Variants in NTM observed in about 807,000 individuals in gnomAD.
The protein encoded by NTM is neurotrimin, also known as IgLON family member 2.
Under a neutral mutation model 42.1 loss-of-function variants are expected in NTM, and 13 were observed. The observed-to-expected ratio is 0.31, with a 90% CI of 0.20 to 0.49. The LOEUF (loss-of-function observed/expected upper bound fraction) is 0.49. NTM is among the 20% of genes least tolerant of loss of function. The pLI, the probability that NTM is intolerant of heterozygous loss-of-function variation, is 0.99. For synonymous variants in NTM, 187 were observed against 179.2 expected (o/e 1.04, Z -0.35); for missense variants, 373 against 452.8 (o/e 0.82, Z 1.60).
chr11:132,077,820 C>T (rs189626672), intron 2 of NTM, among the ~76,000 whole-genome samples: 2 of 152,308 alleles, frequency 1.3e-5, no homozygotes, highest in South Asian at 2.1e-4. Context: ...ATGCTGGTCT[C>T]AAACTCCTTG....
chr11:132,141,036 T>A (rs117392512), intron 2 of NTM: 1 of 152,252 alleles, frequency 6.6e-6, no homozygotes, highest in Non-Finnish European at 1.5e-5. Flanking sequence ...CCGCACACTG[T>A]CTGCATCCAT....
chr11:131,882,664 G>T (rs573682956), intron 1 of NTM, among the ~76,000 whole-genome samples: 2 of 151,920 alleles, frequency 1.3e-5, no homozygotes, highest in East Asian at 2.0e-4. Flanking sequence ...CATGATGGGA[G>T]AAGTTGAGGG....
At chr11:131,943,068 C>T (rs1055159102) in intron 2 of NTM, among the ~76,000 whole-genome samples, 3 of 152,174 alleles carry the variant, frequency 2.0e-5, no homozygotes, top group Admixed American at 6.5e-5. Flanking sequence ...GTGTTGGAGT[C>T]GTCAAGTGGA....
chr11:132,104,100 A>G (rs1048908850), intron 2 of NTM, among the ~76,000 whole-genome samples: 4 of 152,154 alleles, frequency 2.6e-5, no homozygotes, highest in African/African-American at 7.2e-5. Flanking sequence ...TTCTATTCCC[A>G]GTTGTGCAAG....
chr11:132,281,888 TTG>T (rs1375632337), intron 4 of NTM, among the ~76,000 whole-genome samples: 1 of 152,212 alleles, frequency 6.6e-6, no homozygotes, highest in Non-Finnish European at 1.5e-5. Context: ...AAAAAAAGTA[TTG>T]TGATATTAAT....
At chr11:131,474,915 T>A (rs550202629) in intron 1 of NTM, among the ~76,000 whole-genome samples, 12 of 152,324 alleles carry the variant, frequency 7.9e-5, no homozygotes, top group Non-Finnish European at 1.6e-4. Flanking sequence ...CTGCTTTATG[T>A]CACAACGAAA....
chr11:131,954,754 G>A (rs1030280399), intron 2 of NTM, among the ~76,000 whole-genome samples: 5 of 152,128 alleles, frequency 3.3e-5, no homozygotes, highest in Non-Finnish European at 5.9e-5. Context: ...TGTTAACACA[G>A]TAGTGTATAT....
chr11:131,504,751 T>A (rs1263864017), intron 1 of NTM, among the ~76,000 whole-genome samples: 1 of 152,030 alleles, frequency 6.6e-6, no homozygotes, highest in Admixed American at 6.5e-5. Context: ...TCCCTGGATC[T>A]CTGTCTATTG....
At chr11:132,023,766 G>T (rs1371912295) in intron 2 of NTM, among the ~76,000 whole-genome samples, 4 of 96,780 alleles carry the variant, frequency 4.1e-5, no homozygotes, top group Admixed American at 2.2e-4. Flanking sequence ...GTTGTTGGTG[G>T]TGGTTTTGTT....
intron 7 of NTM, among the ~76,000 whole-genome samples, chr11:132,316,213 T>C (rs1039669154): frequency 6.6e-6 from 1 of 151,812 alleles, no homozygotes; most frequent in Non-Finnish European, 1.5e-5. Context: ...CCCGGCTTCT[T>C]CTCCTTAAGC....
At chr11:132,030,407 A>C (rs2075764050) in intron 2 of NTM, among the ~76,000 whole-genome samples, 3 of 152,214 alleles carry the variant, frequency 2.0e-5, no homozygotes, top group Admixed American at 2.0e-4. Context: ...AATGGAGCCT[A>C]TTATTTAATT....
intron 1 of NTM, among the ~76,000 whole-genome samples, chr11:131,525,823 C>CT (rs2050394646): frequency 6.6e-6 from 1 of 151,716 alleles, no homozygotes; most frequent in South Asian, 2.1e-4. Flanking sequence ...CAATAACAAA[C>CT]TTGTAGGGTT....
intron 2 of NTM, among the ~76,000 whole-genome samples, chr11:131,952,557 G>A (rs1313754678): frequency 6.6e-6 from 1 of 152,062 alleles, no homozygotes; most frequent in African/African-American, 2.4e-5. Context: ...GATTTTTTCT[G>A]CATGTAGTCA....
Position 132,314,559 on chromosome 11 carries a change from G to A in NTM, c.790G>A (p.Glu264Lys), listed in dbSNP as rs375651182. 6.2e-7 allele frequency: 1 copy of A among 1,611,748 alleles called. No homozygotes were observed. Among genetic ancestry groups the A allele is most frequent in the Non-Finnish European group, 8.5e-7 (1 of 1,179,008 alleles). Residue 264 changes from glutamate to lysine, a missense_variant, in exon 7 of 9, where the codon GAA (glutamate) becomes AAA (lysine). Around this residue, in one of 3 missense-constraint regions of NTM, gnomAD observed 312 missense variants for 353.5 expected, o/e 0.88. Transcript: ENST00000683400. ...GTCTTTTGTTTCTCTCAGACTGATTGAAGGAAAGAAAGGGGTGAAAGTGGA... is the reference window on the plus strand; with the variant it reads ...GTCTTTTGTTTCTCTCAGACTGATTAAAGGAAAGAAAGGGGTGAAAGTGGA... The part of the protein sequence containing the change: ...QWYKDDKRLI[E>K]GKKGVKVENR...
intron 1 of NTM, among the ~76,000 whole-genome samples, chr11:131,880,457 G>A (rs2049286540): frequency 6.6e-6 from 1 of 152,238 alleles, no homozygotes; most frequent in South Asian, 2.1e-4. Flanking sequence ...GCAGGTGCTA[G>A]GACAAGGAGC....
rs1224097926 is a variant in NTM at position 132,212,041 on chromosome 11, G to A, written c.420G>A (p.Glu140=). 1 of 1,610,650 alleles carries A rather than the reference G, an allele frequency of 6.2e-7. No individual in the cohort carries two copies. The highest frequency in any genetic ancestry group is 1.7e-5 in the Admixed American group (1 of 59,486). ...CCACAGTATCTCCCAAAATTGTAGA[G>A]ATTTCTTCAGATATCTCCATTAATG... is the stretch of plus-strand genomic sequence containing the variant. ...LIVQVSPKIV[E]ISSDISINEG... Residue 140 remains glutamate, a synonymous_variant, in exon 4 of 9, where the codon GAG becomes GAA. Coordinates refer to ENST00000683400, the MANE Select transcript of NTM (RefSeq NM_001352005.2).
Position 131,895,516 on chromosome 11 carries a change from A to G in NTM, c.83-16048A>G, listed in dbSNP as rs182627696. 1.7e-3 allele frequency among the ~76,000 whole-genome samples: 261 copies of G among 152,324 alleles called. 3 individuals carry two copies. The highest frequency in any genetic ancestry group is 6.0e-3 in the African/African-American group (248 of 41,576). On this transcript the variant is annotated intron_variant, in intron 1 of 8. Transcript: ENST00000683400. ...ACTTTGCTCAGTGTTGGGCAGGTAC[A>G]AAAATGAACAAGAAATGGCAACTGC... is the stretch of plus-strand genomic sequence containing the variant.
At position 132,015,895 on chromosome 11, in the gene NTM, T is replaced by C. The variant is rs573772890; in HGVS notation, c.167+104247T>C. Among the ~76,000 whole-genome samples the C allele has an allele frequency of 3.3e-5, 5 of 152,078 alleles. No homozygotes were observed. In the South Asian group the frequency reaches 6.2e-4, roughly 19 times the overall value. ...CAGTTTGACTTCCTCCATTCCAATT[T>C]AGATGCCTTTTATTTCTTTCTCTTG... On this transcript the variant is annotated intron_variant, in intron 2 of 8. Coordinates refer to ENST00000683400, the MANE Select transcript of NTM (RefSeq NM_001352005.2).
At chr11:131,411,617 T>C (rs551924669) in intron 1 of NTM, among the ~76,000 whole-genome samples, 2 of 147,322 alleles carry the variant, frequency 1.4e-5, no homozygotes, top group East Asian at 4.2e-4. Flanking sequence ...CCAAGTAACA[T>C]TGAGATGACT....
Sources: gnomAD v4.1 joint callset for allele counts (sites outside exome capture counted in the v4.1 genomes callset) on GRCh38, gnomAD v4.1.1 for gene constraint, gnomAD v4.1.1 regional missense constraint, MANE v1.5 for transcripts, NCBI Gene and HGNC (gene_info 2026-07-23, HGNC 2026-07-21) for gene names.